RALYL: variants seen among roughly 807,000 people sequenced by gnomAD.
RALYL encodes the protein RNA-binding Raly-like protein.
In RALYL, 29 loss-of-function variants were observed where a neutral mutation model predicts 35.1. That is an observed-to-expected ratio of 0.83 (90% CI 0.61 to 1.13). The LOEUF (loss-of-function observed/expected upper bound fraction) is 1.13. Among genes scored for constraint, RALYL ranks in the 50% most tolerant of loss-of-function variants. RALYL has a pLI of 0.00. For missense variants in RALYL, 359 were observed against 360.4 expected (o/e 1.00, Z 0.03); for synonymous variants, 120 against 127.6 (o/e 0.94, Z 0.40).
At chr8:84,877,693 G>A (rs570886157) in intron 7 of RALYL, among the ~76,000 whole-genome samples, 1 of 152,144 alleles carries the variant, frequency 6.6e-6, no homozygotes, top group South Asian at 2.1e-4. Flanking sequence ...AGTTCCTTTA[G>A]TTGCTTCTCA....
chr8:84,473,042 C>A (rs2133743808), intron 1 of RALYL, among the ~76,000 whole-genome samples: 1 of 152,152 alleles, frequency 6.6e-6, no homozygotes, highest in East Asian at 1.9e-4. Context: ...TAAATAAATT[C>A]CTTGTAGTTC....
chr8:84,268,886 A>G (rs192561482), intron 1 of RALYL, among the ~76,000 whole-genome samples: 1 of 152,356 alleles, frequency 6.6e-6, no homozygotes, highest in Admixed American at 6.5e-5. Context: ...TATATGAGAA[A>G]GAATTTTAAA....
chr8:84,356,173 A>G (rs1410804962), intron 1 of RALYL, among the ~76,000 whole-genome samples: 1 of 150,306 alleles, frequency 6.7e-6, no homozygotes, highest in Non-Finnish European at 1.5e-5. Context: ...ATGTGAGTCA[A>G]TTAAACCTCT....
intron 3 of RALYL, among the ~76,000 whole-genome samples, chr8:84,789,431 TG>T (rs1453927328): frequency 1.3e-5 from 2 of 152,224 alleles, no homozygotes; most frequent in Non-Finnish European, 2.9e-5. Context: ...AGAATTTAAA[TG>T]GAATTGTAAC....
intron 1 of RALYL, among the ~76,000 whole-genome samples, chr8:84,349,798 G>C (rs1424284632): frequency 6.7e-6 from 1 of 150,110 alleles, no homozygotes; most frequent in Non-Finnish European, 1.5e-5. Context: ...ATATGAACAT[G>C]AGCCTAGTAA....
intron 1 of RALYL, among the ~76,000 whole-genome samples, chr8:84,352,309 G>A (rs1341298268): frequency 3.3e-5 from 5 of 149,910 alleles, no homozygotes; most frequent in Admixed American, 1.3e-4. Flanking sequence ...AAAAACTGAG[G>A]TTAATAAGGA....
At chr8:84,654,095 A>T (rs942564479) in intron 2 of RALYL, among the ~76,000 whole-genome samples, 6 of 149,984 alleles carry the variant, frequency 4.0e-5, no homozygotes, top group African/African-American at 1.5e-4. Flanking sequence ...ACAAATATAT[A>T]TATACACACA....
At chr8:84,755,637 G>A (rs1303642733) in intron 2 of RALYL, among the ~76,000 whole-genome samples, 1 of 152,040 alleles carries the variant, frequency 6.6e-6, no homozygotes, top group Non-Finnish European at 1.5e-5. Context: ...CTGTATAAAA[G>A]TGCCTTGTTA....
In RALYL at chr8:84,407,018, C is replaced by CTA. The variant is rs5892918; in HGVS notation, c.-23-122264_-23-122263dup. 6.4e-3 allele frequency among the ~76,000 whole-genome samples: 954 copies of CTA among 148,188 alleles called. 6 individuals carry two copies. Among genetic ancestry groups the CTA allele is most frequent in the African/African-American group, 0.01 (415 of 39,620 alleles). ...TCTCTCTCCCTCTCTCTCTCTCTCT[C>CTA]TATATATATATATATATACACACAC... On this transcript the variant is annotated intron_variant, in intron 1 of 8. Coordinates refer to ENST00000521268, the MANE Select transcript of RALYL (RefSeq NM_173848.7).
intron 2 of RALYL, among the ~76,000 whole-genome samples, chr8:84,700,424 T>C (rs977316716): frequency 6.6e-6 from 1 of 151,840 alleles, no homozygotes; most frequent in Non-Finnish European, 1.5e-5. Context: ...AATTATAGTT[T>C]AAAAAAAATG....
chr8:84,260,945 G>C (rs1832141444), intron 1 of RALYL, among the ~76,000 whole-genome samples: 1 of 152,116 alleles, frequency 6.6e-6, no homozygotes, highest in Non-Finnish European at 1.5e-5. Context: ...TTTTGAGTGT[G>C]ATAAACATTT....
intron 1 of RALYL, among the ~76,000 whole-genome samples, chr8:84,507,361 T>G (rs1279975745): frequency 6.6e-6 from 1 of 152,090 alleles, no homozygotes; most frequent in Admixed American, 6.6e-5. Context: ...AATTATTTAA[T>G]TACTAGATAC....
intron 1 of RALYL, among the ~76,000 whole-genome samples, chr8:84,438,289 T>C (rs2047954679): frequency 6.6e-6 from 1 of 152,206 alleles, no homozygotes; most frequent in African/African-American, 2.4e-5. Flanking sequence ...TTTTTGTTTC[T>C]GTTGCAATTG....
chr8:84,376,970 C>G (rs893862827), intron 1 of RALYL, among the ~76,000 whole-genome samples: 6 of 151,618 alleles, frequency 4.0e-5, no homozygotes, highest in African/African-American at 1.5e-4. Flanking sequence ...GAGGAAGAGC[C>G]ACTGAAGTAA....
chr8:84,214,167 T>A (rs957102986), intron 1 of RALYL, among the ~76,000 whole-genome samples: 1 of 152,116 alleles, frequency 6.6e-6, no homozygotes, highest in African/African-American at 2.4e-5. Flanking sequence ...GGTTGTTAGG[T>A]TGTTACCTTG....
intron 2 of RALYL, among the ~76,000 whole-genome samples, chr8:84,602,889 A>G (rs982561654): frequency 5.3e-5 from 8 of 152,194 alleles, no homozygotes; most frequent in Admixed American, 5.2e-4. Flanking sequence ...GAATAATGGT[A>G]GGGGAGAGTG....
intron 1 of RALYL, among the ~76,000 whole-genome samples, chr8:84,352,037 A>G (rs1851000707): frequency 6.6e-6 from 1 of 150,450 alleles, no homozygotes. Context: ...TTGGAGACGA[A>G]GCTGCAGAGA....
intron 1 of RALYL, among the ~76,000 whole-genome samples, chr8:84,316,712 AATTT>A (rs766272777): frequency 5.9e-5 from 9 of 152,134 alleles, no homozygotes; most frequent in Non-Finnish European, 1.2e-4. Flanking sequence ...TTAGAATTTG[AATTT>A]AGAAGGCTAC....
chr8:84,680,200 T>G (rs1835123431), intron 2 of RALYL, among the ~76,000 whole-genome samples: 1 of 152,232 alleles, frequency 6.6e-6, no homozygotes, highest in South Asian at 2.1e-4. Context: ...TATGGCTGCA[T>G]AGTATTCCAT....
Sources: allele counts gnomAD v4.1 joint callset (sites outside exome capture counted in the v4.1 genomes callset), GRCh38; gene constraint gnomAD v4.1.1; transcripts MANE v1.5; gene names NCBI Gene and HGNC (gene_info 2026-07-23, HGNC 2026-07-21).